The following ZFYVE9 variants were observed in gnomAD, a reference collection of about 807,000 sequenced individuals.
ZFYVE9 encodes the protein zinc finger FYVE domain-containing protein 9.
ZFYVE9 carries 43 observed loss-of-function variants against 126.7 expected under a neutral mutation model. That is an observed-to-expected ratio of 0.34 (90% confidence interval 0.27 to 0.44). The LOEUF (loss-of-function observed/expected upper bound fraction) is 0.44, where lower values mean the gene tolerates loss of function less well. ZFYVE9 is among the 20% of genes least tolerant of loss of function. The pLI, the probability that ZFYVE9 is intolerant of heterozygous loss-of-function variation, is 1.00. For synonymous variants in ZFYVE9, 521 were observed against 597.4 expected, an observed-to-expected ratio of 0.87 and a Z score of 1.87; for missense variants, 1,476 against 1,697.0, an observed-to-expected ratio of 0.87 and a Z score of 2.29.
Position 52,216,442 on chromosome 1 carries a change from T to C in ZFYVE9, c.-69T>C. ...GACATCATGAGTAAGCACCGAGAAG[T>C]CTGTTCCTTATCACGTGTGTAAGGG... On this transcript the variant is annotated 5_prime_UTR_variant, in exon 2 of 19. Transcript: ENST00000287727. 2.5e-6 allele frequency: 1 copy of C among 398,262 alleles called. No homozygotes were observed. Among genetic ancestry groups the C allele is most frequent in the Admixed American group, 4.4e-5 (1 of 22,720 alleles). The allele number at this position is 398,262 out of a possible 1,614,324, so 24.7% of individuals were successfully genotyped here.
At chr1:52,226,347 C>G in intron 2 of ZFYVE9, among the ~76,000 whole-genome samples, 1 of 152,052 alleles carries the variant, frequency 6.6e-6, no homozygotes, top group Non-Finnish European at 1.5e-5. Context: ...TCCAGCCTGG[C>G]CAACGTGGTG....
chr1:52,259,626 A>T (rs934875531), intron 4 of ZFYVE9, among the ~76,000 whole-genome samples: 2 of 127,768 alleles, frequency 1.6e-5, no homozygotes, highest in South Asian at 2.6e-4. Flanking sequence ...TGTCTCTACT[A>T]AAAAAAAAAA....
intron 8 of ZFYVE9, among the ~76,000 whole-genome samples, chr1:52,276,580 A>G (rs1645750547): frequency 6.6e-6 from 1 of 152,216 alleles, no homozygotes; most frequent in South Asian, 2.1e-4. Context: ...ACATACCAAG[A>G]AAGTATCTGG....
At chr1:52,176,255 G>C (rs1215808971) in intron 1 of ZFYVE9, among the ~76,000 whole-genome samples, 9 of 152,190 alleles carry the variant, frequency 5.9e-5, no homozygotes, top group Non-Finnish European at 8.8e-5. Context: ...GTTTGCTAGA[G>C]GTCCACTCCA....
chr1:52,187,976 G>T (rs1005276683), intron 1 of ZFYVE9, among the ~76,000 whole-genome samples: 2 of 152,160 alleles, frequency 1.3e-5, no homozygotes, highest in African/African-American at 4.8e-5. Context: ...CCATTACTGG[G>T]TATATACCCA....
At position 52,346,442 on chromosome 1, in the gene ZFYVE9, C is replaced by A; in HGVS notation, c.*221C>A. The A allele has an allele frequency of 2.1e-6, 1 of 477,668 alleles. No homozygotes were observed. The allele number at this position is 477,668 out of a possible 1,614,324, so 29.6% of individuals were successfully genotyped here. A position where few individuals can be genotyped will look rare whatever the true frequency, so the allele number is the denominator to read the frequency against. Reference sequence around the variant, plus strand: ...TCTATGCATTGTCCACCAAGAAGATCTGGGCAGCTTCTGTTCCTGCACAAC... The same window carrying A: ...TCTATGCATTGTCCACCAAGAAGATATGGGCAGCTTCTGTTCCTGCACAAC... On this transcript the variant is annotated 3_prime_UTR_variant, in exon 19 of 19. Coordinates refer to ENST00000287727, the MANE Select transcript of ZFYVE9 (RefSeq NM_004799.4).
chr1:52,292,054 G>A (rs920682208), intron 10 of ZFYVE9, among the ~76,000 whole-genome samples: 1 of 151,984 alleles, frequency 6.6e-6, no homozygotes, highest in Non-Finnish European at 1.5e-5. Flanking sequence ...CAAGGCAGAT[G>A]GATCATTTGA....
At chr1:52,218,560 A>T (rs928630330) in intron 2 of ZFYVE9, among the ~76,000 whole-genome samples, 1 of 152,064 alleles carries the variant, frequency 6.6e-6, no homozygotes, top group Non-Finnish European at 1.5e-5. Context: ...TGCCTGATGG[A>T]TTGGCCCATC....
chr1:52,205,067 A>ATTT (rs891218048), intron 1 of ZFYVE9, among the ~76,000 whole-genome samples: 25 of 117,724 alleles, frequency 2.1e-4, no homozygotes, highest in African/African-American at 3.5e-4. Flanking sequence ...TGTGCTGTGA[A>ATTT]TTTTTTTTTT....
At chr1:52,214,945 CTG>C (rs1452919024) in intron 1 of ZFYVE9, among the ~76,000 whole-genome samples, 2 of 152,204 alleles carry the variant, frequency 1.3e-5, no homozygotes, top group African/African-American at 4.8e-5. Flanking sequence ...GGAGGGCAAT[CTG>C]TTTTATTCAG....
intron 1 of ZFYVE9, among the ~76,000 whole-genome samples, chr1:52,153,280 T>G (rs1252481291): frequency 6.6e-6 from 1 of 152,206 alleles, no homozygotes; most frequent in Non-Finnish European, 1.5e-5. Context: ...GAGCAGCTCC[T>G]CCAAGGGAGG....
chr1:52,259,372 C>G (rs1645555258), intron 4 of ZFYVE9, among the ~76,000 whole-genome samples: 1 of 151,944 alleles, frequency 6.6e-6, no homozygotes, highest in African/African-American at 2.4e-5. Flanking sequence ...GGATACAGTT[C>G]AACCCATAAA....
rs1404222979 is a variant in ZFYVE9, at chr1:52,270,898, T to C, written c.2625+2266T>C. On this transcript the variant is annotated intron_variant, in intron 7 of 18. Coordinates refer to ENST00000287727, the MANE Select transcript of ZFYVE9 (RefSeq NM_004799.4). The stretch of plus-strand genomic sequence containing the variant: ...TTTCTTAAAGGATCACATCAAGAAG[T>C]ATTAGTTTGGGTTGGGTGCAGTGGC... Among the ~76,000 whole-genome samples, 5 of 151,828 alleles carry C rather than the reference T, an allele frequency of 3.3e-5. No homozygotes were observed. In the South Asian group the frequency reaches 1.0e-3, roughly 32 times the overall value.
intron 1 of ZFYVE9, among the ~76,000 whole-genome samples, chr1:52,146,724 C>G (rs1368350933): frequency 6.6e-6 from 1 of 152,006 alleles, no homozygotes. Context: ...ATGTAGTTTA[C>G]TATTAATAAG....
intron 1 of ZFYVE9, among the ~76,000 whole-genome samples, chr1:52,198,776 A>G (rs1039842120): frequency 6.6e-6 from 1 of 152,146 alleles, no homozygotes; most frequent in African/African-American, 2.4e-5. Flanking sequence ...CAAAATTGAG[A>G]GGAAAATAGA....
chr1:52,223,473 T>A (rs999127766), intron 2 of ZFYVE9, among the ~76,000 whole-genome samples: 3 of 152,238 alleles, frequency 2.0e-5, no homozygotes, highest in African/African-American at 7.2e-5. Context: ...ATACACCTTT[T>A]GGGCCTCTTA....
chr1:52,191,457 G>A (rs1485093874), intron 1 of ZFYVE9, among the ~76,000 whole-genome samples: 1 of 152,140 alleles, frequency 6.6e-6, no homozygotes, highest in Non-Finnish European at 1.5e-5. Flanking sequence ...CCCTCATGAA[G>A]TGACTTGTCT....
At chr1:52,210,469 T>A (rs1377633880) in intron 1 of ZFYVE9, among the ~76,000 whole-genome samples, 1 of 152,206 alleles carries the variant, frequency 6.6e-6, no homozygotes, top group East Asian at 1.9e-4. Context: ...TCATCTTTTT[T>A]CCCTGTCCCT....
rs1645969840 is a variant in ZFYVE9, at chr1:52,295,944, A to AGAGACGGGGCATACCATCATG, written c.3301_3321dup (p.Glu1101_Met1107dup). On this transcript the variant is annotated inframe_insertion, in exon 12 of 19. Coordinates refer to ENST00000287727, the MANE Select transcript of ZFYVE9 (RefSeq NM_004799.4). ...TCAGATTTCGGAAGCCATTGTTTGG[A>AGAGACGGGGCATACCATCATG]GAGACGGGGCATACCATCATGAATC... The AGAGACGGGGCATACCATCATG allele has an allele frequency of 6.2e-7, 1 of 1,613,756 alleles. No homozygotes were observed. The highest frequency in any genetic ancestry group is 1.3e-5 in the African/African-American group (1 of 74,986).
Sources: gnomAD v4.1 joint callset for allele counts (sites outside exome capture counted in the v4.1 genomes callset) on GRCh38, gnomAD v4.1.1 for gene constraint, MANE v1.5 for transcripts, NCBI Gene and HGNC (gene_info 2026-07-23, HGNC 2026-07-21) for gene names.